Variants in TIAM2 observed in about 807,000 individuals in gnomAD.
TIAM2 encodes rho guanine nucleotide exchange factor TIAM2.
TIAM2 carries 80 observed loss-of-function variants against 152.9 expected under a neutral mutation model. The observed-to-expected ratio is 0.52, with a 90% CI of 0.44 to 0.63. The LOEUF (loss-of-function observed/expected upper bound fraction) is 0.63, where lower values mean the gene tolerates loss of function less well. TIAM2 is among the 30% of genes least tolerant of loss of function. TIAM2 has a pLI of 0.00. For missense variants in TIAM2, 1,965 were observed against 2,120.1 expected (o/e 0.93, Z 1.44); for synonymous variants, 804 against 838.0 (o/e 0.96, Z 0.70).
At chr6:155,244,978 C>G in intron 18 of TIAM2, 195 bp downstream of exon 18, 1 of 640,238 alleles carries the variant, frequency 1.6e-6, no homozygotes, top group Non-Finnish European at 2.3e-6. Flanking sequence ...TTTCCTGGCG[C>G]AGGTGCTTTT....
intron 14 of TIAM2, among the ~76,000 whole-genome samples, chr6:155,208,596 CCCA>C (rs1382483494): frequency 1.8e-4 from 27 of 152,262 alleles, no homozygotes; most frequent in African/African-American, 6.3e-4. Flanking sequence ...GCTTGTTATC[CCCA>C]CTTCTCCCCT....
chr6:155,061,600 A>G (rs775342593), intron 1 of TIAM2, among the ~76,000 whole-genome samples: 34 of 152,148 alleles, frequency 2.2e-4, no homozygotes, highest in Non-Finnish European at 3.8e-4. Flanking sequence ...GATGCAATAA[A>G]TTTACCGTCT....
At position 155,244,718 on chromosome 6, in the gene TIAM2, A is replaced by T; in HGVS notation, c.3478A>T (p.Thr1160Ser). ...TGAGTTTCAGAAGGTGTTTCTGGAG[A>T]CCCTGGAGGATGGGATTTCAGCATC... ...MLEFQKVFLE[T>S]LEDGISASSD... Residue 1160 changes from threonine to serine, a missense_variant, in exon 18 of 27, where the codon ACC becomes TCC. Transcript: ENST00000682666. 1.2e-6 allele frequency: 2 copies of T among 1,613,994 alleles called. No homozygotes were observed. Among genetic ancestry groups the T allele is most frequent in the Admixed American group, 1.7e-5 (1 of 60,008 alleles).
chr6:155,044,759 C>T (rs1402777343), intron 1 of TIAM2, among the ~76,000 whole-genome samples: 1 of 151,908 alleles, frequency 6.6e-6, no homozygotes, highest in African/African-American at 2.4e-5. Flanking sequence ...CTGCTGTGAG[C>T]CGAGATTGCA....
At chr6:155,018,514 G>T (rs566451817) in intron 1 of TIAM2, among the ~76,000 whole-genome samples, 1 of 151,004 alleles carries the variant, frequency 6.6e-6, no homozygotes, top group African/African-American at 2.4e-5. Context: ...AGCTACTCAG[G>T]AGGCTGAGGC....
chr6:155,104,043 C>CA (rs1778615074), intron 2 of TIAM2, among the ~76,000 whole-genome samples: 1 of 90,818 alleles, frequency 1.1e-5, no homozygotes, highest in South Asian at 3.2e-4. Context: ...CACACACACC[C>CA]CCCCCCCCAC....
intron 1 of TIAM2, among the ~76,000 whole-genome samples, chr6:155,008,972 A>T (rs1396890529): frequency 6.6e-6 from 1 of 152,118 alleles, no homozygotes; most frequent in East Asian, 1.9e-4. Flanking sequence ...CATAATGGAA[A>T]GCACATTAGG....
At chr6:155,210,111 G>C (rs1781685564) in intron 14 of TIAM2, among the ~76,000 whole-genome samples, 1 of 152,200 alleles carries the variant, frequency 6.6e-6, no homozygotes, top group African/African-American at 2.4e-5. Context: ...TGTTTTGATA[G>C]AGGCTGGTCT....
intron 7 of TIAM2, among the ~76,000 whole-genome samples, chr6:155,163,493 T>C (rs1780328203): frequency 3.9e-5 from 6 of 152,236 alleles, no homozygotes; most frequent in Admixed American, 3.9e-4. Context: ...ACTTAAGTTT[T>C]GAAGAAGTTC....
chr6:155,014,022 G>T (rs565783414), intron 1 of TIAM2: 1 of 152,040 alleles, frequency 6.6e-6, no homozygotes, highest in Non-Finnish European at 1.5e-5. Flanking sequence ...CTAAGGTGAT[G>T]TGTATTTTTA....
Position 155,130,277 on chromosome 6 carries a change from C to T in TIAM2, c.1054C>T (p.Gln352Ter), listed in dbSNP as rs1290800903. ...PSRVAHGDPI[Q>*]YSSFTLPCRK... is the part of the protein sequence containing the mutation. ...CAGAGTGGCACACGGGGACCCCATC[C>T]AGTACAGTTCCTTCACTCTCCCCTG... Residue 352 changes from glutamine (Q) to a stop codon, truncating the protein, a stop_gained, in exon 4 of 27, where the codon CAG (glutamine) becomes TAG (stop). Coordinates refer to ENST00000682666, the MANE Select transcript of TIAM2 (RefSeq NM_012454.4). LOFTEE classifies it high-confidence loss of function. 1 of 1,614,088 alleles carries T rather than the reference C, an allele frequency of 6.2e-7. No individual in the cohort carries two copies. The highest frequency in any genetic ancestry group is 1.1e-5 in the South Asian group (1 of 91,092).
intron 14 of TIAM2, among the ~76,000 whole-genome samples, chr6:155,202,176 A>G (rs775698389): frequency 1.3e-5 from 2 of 152,194 alleles, no homozygotes; most frequent in Non-Finnish European, 2.9e-5. Context: ...TGGTCAACTC[A>G]AGAGTTACTT....
chr6:155,088,495 A>G (rs1447176901), intron 1 of TIAM2, among the ~76,000 whole-genome samples: 1 of 152,252 alleles, frequency 6.6e-6, no homozygotes, highest in Non-Finnish European at 1.5e-5. Context: ...AGTATGTCAC[A>G]TGTTTCAAGT....
intron 4 of TIAM2, among the ~76,000 whole-genome samples, chr6:155,133,254 G>A (rs1779486976): frequency 6.6e-6 from 1 of 152,142 alleles, no homozygotes; most frequent in Non-Finnish European, 1.5e-5. Flanking sequence ...GGCAGAGGCA[G>A]GAGAATCGCT....
intron 1 of TIAM2, among the ~76,000 whole-genome samples, chr6:155,073,237 A>G (rs1014842217): frequency 1.7e-4 from 24 of 137,474 alleles, no homozygotes; most frequent in African/African-American, 6.7e-4. Flanking sequence ...ATCTCGGCTC[A>G]CTGCAACCTC....
intron 14 of TIAM2, among the ~76,000 whole-genome samples, chr6:155,187,573 C>CTTTTTTTTTTTTTTTTTTTTTTTTTT (rs59818801): frequency 6.0e-5 from 3 of 49,620 alleles, no homozygotes; most frequent in Non-Finnish European, 7.4e-5. Context: ...ACCCCGCCCC[C>CTTTTTTTTTTTTTTTTTTTTTTTTTT]TTTTTTTTTT....
At position 155,256,846 on chromosome 6, in the gene TIAM2, C is replaced by T; in HGVS notation, c.4831C>T (p.Pro1611Ser). 6.2e-7 allele frequency: 1 copy of T among 1,614,174 alleles called. No individual in the cohort carries two copies. Among genetic ancestry groups the T allele is most frequent in the Non-Finnish European group, 8.5e-7 (1 of 1,180,028 alleles). ...PDVHPEAEQQ[P>S]GPESGEGQKG... ...CGTTCACCCCGAGGCTGAGCAGCAG[C>T]CTGGCCCGGAGTCGGGTGAGGGTCA... The change falls in exon 27 of 27, where the codon CCT becomes TCT. Residue 1611 changes from proline to serine, a missense_variant. This residue lies in a region of TIAM2 where 935 missense variants were observed against 980.0 expected (regional missense o/e 0.95). Transcript: ENST00000682666.
chr6:155,221,617 C>T (rs759310750), intron 15 of TIAM2, among the ~76,000 whole-genome samples: 1 of 152,178 alleles, frequency 6.6e-6, no homozygotes, highest in Non-Finnish European at 1.5e-5. Flanking sequence ...AGCCAGCTCC[C>T]TGCAACTTAG....
intron 2 of TIAM2, among the ~76,000 whole-genome samples, chr6:155,102,761 A>C (rs1249617820): frequency 7.5e-6 from 1 of 132,692 alleles, no homozygotes; most frequent in Non-Finnish European, 1.6e-5. Context: ...TTTATGGATT[A>C]ATTTATTGTG....
Sources: allele counts gnomAD v4.1 joint callset (sites outside exome capture counted in the v4.1 genomes callset), GRCh38; gene constraint gnomAD v4.1.1; regional missense constraint gnomAD v4.1.1; transcripts MANE v1.5; gene names NCBI Gene and HGNC (gene_info 2026-07-23, HGNC 2026-07-21).